Variants in PCDHA4 observed in about 807,000 individuals in gnomAD.
PCDHA4 encodes protocadherin alpha-4.
PCDHA4 carries 49 observed loss-of-function variants against 61.4 expected under a neutral mutation model. The ratio of observed to expected loss-of-function variants is 0.80; its 90% CI spans 0.63 to 1.01. The LOEUF is 1.01. Ranked by LOEUF, PCDHA4 falls within the 50% of genes least tolerant of loss-of-function variation. The pLI is 0.00. For missense variants in PCDHA4, 1,254 were observed against 1,235.8 expected, an observed-to-expected ratio of 1.01 and a Z score of -0.22; for synonymous variants, 590 against 550.3, an observed-to-expected ratio of 1.07 and a Z score of -1.01.
At chr5:140,925,108 G>GGAGGGAA (rs1554202548) in intron 1 of PCDHA4, among the ~76,000 whole-genome samples, 1 of 124,702 alleles carries the variant, frequency 8.0e-6, no homozygotes, top group African/African-American at 3.3e-5. Context: ...GAAGGAAGGA[G>GGAGGGAA]GGAAGGAAGG....
chr5:140,967,745 G>T, intron 1 of PCDHA4: 1 of 1,614,184 alleles, frequency 6.2e-7, no homozygotes, highest in Non-Finnish European at 8.5e-7. Flanking sequence ...GGATTATGAG[G>T]AAGCCTCCTC....
chr5:140,857,319 T>A, intron 1 of PCDHA4: 3 of 1,598,650 alleles, frequency 1.9e-6, no homozygotes, highest in Non-Finnish European at 2.6e-6. Flanking sequence ...GAGCTGGTGG[T>A]GACCGCGCGG....
chr5:141,005,164 G>A (rs782398186), intron 3 of PCDHA4, among the ~76,000 whole-genome samples: 2 of 152,178 alleles, frequency 1.3e-5, no homozygotes, highest in Non-Finnish European at 2.9e-5. Context: ...TAAAGAGTGG[G>A]TACCACTTTC....
At chr5:140,848,358 G>T in intron 1 of PCDHA4, 1 of 1,051,266 alleles carries the variant, frequency 9.5e-7, no homozygotes, top group Non-Finnish European at 1.4e-6. Context: ...CTTTTCCCAT[G>T]GGAAAGAGGC....
rs1764068050 is a variant in PCDHA4, at chr5:140,807,929, A to G, written c.742A>G (p.Lys248Glu). 3 of 1,614,142 alleles carry G rather than the reference A, an allele frequency of 1.9e-6. No homozygotes were observed. The highest frequency in any genetic ancestry group is 2.5e-6 in the Non-Finnish European group (3 of 1,179,970). ...NAPAFDRTIY[K>E]VRLLENVPNG... ...CCCAGCTTTTGACAGAACCATTTAT[A>G]AGGTGAGATTACTAGAAAATGTTCC... Residue 248 changes from lysine to glutamate, a missense_variant, in exon 1 of 4, where the codon AAG becomes GAG. Coordinates refer to ENST00000530339, the MANE Select transcript of PCDHA4 (RefSeq NM_018907.4).
At chr5:140,973,697 C>G (rs1474916406) in intron 1 of PCDHA4, among the ~76,000 whole-genome samples, 1 of 152,226 alleles carries the variant, frequency 6.6e-6, no homozygotes, top group Non-Finnish European at 1.5e-5. Context: ...CTGTTTCCTT[C>G]TGACCCAGGA....
chr5:140,814,452 T>G (rs2126655558), intron 1 of PCDHA4: 22 of 151,548 alleles, frequency 1.5e-4, no homozygotes, highest in Non-Finnish European at 2.9e-4. Flanking sequence ...CTTTTTTCTT[T>G]TTTTTTTTTG....
In PCDHA4 at chr5:140,843,823, A is replaced by G; in HGVS notation, c.2385+34251A>G. ...CACCGTATTTTATAGTGAAAATTTAAACATTGTTTAGTTTTTAGAAACCTT... is the reference window on the plus strand; with the variant it reads ...CACCGTATTTTATAGTGAAAATTTAGACATTGTTTAGTTTTTAGAAACCTT... On this transcript the variant is annotated intron_variant, in intron 1 of 3. Transcript: ENST00000530339. 4 of 1,201,188 alleles carry G rather than the reference A, an allele frequency of 3.3e-6. 1 individual carries two copies. The highest frequency in any genetic ancestry group is 4.7e-6 in the Non-Finnish European group (4 of 852,276). 74.4% of individuals were successfully genotyped at this position (1,201,188 alleles called of 1,614,324 possible). A position where few individuals can be genotyped will look rare whatever the true frequency, so the allele number is the denominator to read the frequency against.
At chr5:140,928,109 A>C (rs1472439079) in intron 1 of PCDHA4, 1 of 1,613,986 alleles carries the variant, frequency 6.2e-7, no homozygotes, top group African/African-American at 1.3e-5. Context: ...CTGGACCGGG[A>C]GCAGATCAGT....
At chr5:140,818,856 A>G (rs1442821661) in intron 1 of PCDHA4, among the ~76,000 whole-genome samples, 3 of 152,238 alleles carry the variant, frequency 2.0e-5, no homozygotes, top group African/African-American at 7.2e-5. Flanking sequence ...AACTATAGGT[A>G]GAGGCATAAA....
intron 1 of PCDHA4, chr5:140,836,345 C>CG (rs1388004217): frequency 8.1e-6 from 13 of 1,613,572 alleles, no homozygotes; most frequent in Non-Finnish European, 9.3e-6. Flanking sequence ...TGAAGGACCA[C>CG]GGGGAGCCCT....
At chr5:140,898,900 C>T (rs1257410263) in intron 1 of PCDHA4, among the ~76,000 whole-genome samples, 2 of 151,396 alleles carry the variant, frequency 1.3e-5, no homozygotes, top group Non-Finnish European at 3.0e-5. Context: ...TGAAGAGGTC[C>T]TTCACGTCCC....
intron 1 of PCDHA4, chr5:140,830,098 G>A: frequency 1.9e-6 from 3 of 1,613,644 alleles, no homozygotes; most frequent in Non-Finnish European, 2.5e-6. Flanking sequence ...TGGTGTCGCT[G>A]GTGGAGAGTG....
At chr5:140,870,919 C>A in intron 1 of PCDHA4, 1 of 1,613,952 alleles carries the variant, frequency 6.2e-7, no homozygotes. Context: ...CAACGCGTGG[C>A]TTTCATATGA....
intron 1 of PCDHA4, chr5:140,878,061 AT>A (rs2057460632): frequency 2.4e-6 from 1 of 424,416 alleles, no homozygotes; most frequent in Non-Finnish European, 3.8e-6. Context: ...CACACTTAAT[AT>A]TTTTCTTTTT....
At chr5:140,936,875 C>A (rs1052156307) in intron 1 of PCDHA4, among the ~76,000 whole-genome samples, 1 of 151,950 alleles carries the variant, frequency 6.6e-6, no homozygotes, top group South Asian at 2.1e-4. Context: ...TTTAAAAAAC[C>A]CTGCTTTGAT....
At chr5:140,898,818 A>G (rs2066994592) in intron 1 of PCDHA4, among the ~76,000 whole-genome samples, 1 of 152,216 alleles carries the variant, frequency 6.6e-6, no homozygotes, top group Admixed American at 6.5e-5. Flanking sequence ...CTTCCTACCC[A>G]TGAGCATGGA....
In PCDHA4 at chr5:140,808,858, C is replaced by G. The variant is rs1451689285; in HGVS notation, c.1671C>G (p.Asp557Glu). 6.2e-7 allele frequency: 1 copy of G among 1,612,970 alleles called. No homozygotes were observed. The highest frequency in any genetic ancestry group is 8.5e-7 in the Non-Finnish European group (1 of 1,179,922). The change falls in exon 1 of 4, where the codon GAC becomes GAG. Residue 557 changes from aspartate (D) to glutamate (E), a missense_variant. Coordinates refer to ENST00000530339, the MANE Select transcript of PCDHA4 (RefSeq NM_018907.4). ...TGACGCTGCAGGTGTTCGTGCTGGACGAAAACGACAACGCGCCAGCACTGC... is the reference window on the plus strand; with the variant it reads ...TGACGCTGCAGGTGTTCGTGCTGGAGGAAAACGACAACGCGCCAGCACTGC... ...SNVTLQVFVL[D>E]ENDNAPALLA...
At chr5:140,828,490 C>G in intron 1 of PCDHA4, 2 of 1,614,172 alleles carry the variant, frequency 1.2e-6, no homozygotes, top group Non-Finnish European at 1.7e-6. Context: ...CGCCCTTGTT[C>G]CCGGTAGAGG....
Sources: allele counts gnomAD v4.1 joint callset (sites outside exome capture counted in the v4.1 genomes callset), GRCh38; gene constraint gnomAD v4.1.1; transcripts MANE v1.5; gene names NCBI Gene and HGNC (gene_info 2026-07-23, HGNC 2026-07-21).